Variants in FOXN3 observed in about 807,000 individuals in gnomAD.
FOXN3 encodes the protein forkhead box protein N3.
A neutral mutation model predicts 38.4 loss-of-function variants in FOXN3; 7 were observed. The observed-to-expected ratio is 0.18, with a 90% CI of 0.10 to 0.34. FOXN3 has a LOEUF of 0.34. Ranked by LOEUF, FOXN3 falls within the 10% of genes least tolerant of loss-of-function variation. FOXN3 has a pLI of 1.00. For synonymous variants in FOXN3, 230 were observed against 242.2 expected (o/e 0.95, Z 0.47); for missense variants, 456 against 613.4 (o/e 0.74, Z 2.71).
chr14:89,365,809 C>T (rs888034241), intron 2 of FOXN3, among the ~76,000 whole-genome samples: 1 of 152,158 alleles, frequency 6.6e-6, no homozygotes, highest in African/African-American at 2.4e-5. Context: ...CTCAAATGAA[C>T]TCAATATATT....
At chr14:89,325,254 C>G (rs868114975) in intron 3 of FOXN3, among the ~76,000 whole-genome samples, 1 of 149,010 alleles carries the variant, frequency 6.7e-6, no homozygotes, top group Non-Finnish European at 1.5e-5. Flanking sequence ...CCACGACCAC[C>G]ACCACCACCA....
intron 4 of FOXN3, among the ~76,000 whole-genome samples, chr14:89,228,429 C>T (rs776104223): frequency 6.6e-6 from 1 of 152,098 alleles, no homozygotes; most frequent in Non-Finnish European, 1.5e-5. Flanking sequence ...GGTCACAGTC[C>T]GTAAGAATGG....
At chr14:89,510,794 T>C (rs1435254836) in intron 1 of FOXN3, among the ~76,000 whole-genome samples, 1 of 151,988 alleles carries the variant, frequency 6.6e-6, no homozygotes, top group Non-Finnish European at 1.5e-5. Context: ...ATACAAAAAT[T>C]AGCCAAGCGT....
chr14:89,444,642 A>G (rs1892456701), intron 1 of FOXN3, among the ~76,000 whole-genome samples: 1 of 152,180 alleles, frequency 6.6e-6, no homozygotes, highest in Non-Finnish European at 1.5e-5. Context: ...CTTTCTCTGT[A>G]TCAGGTTTCA....
At chr14:89,198,255 C>T (rs1244908187) in intron 4 of FOXN3, among the ~76,000 whole-genome samples, 3 of 152,182 alleles carry the variant, frequency 2.0e-5, no homozygotes, top group Admixed American at 6.5e-5. Flanking sequence ...ATAGTATTTA[C>T]ATTGTATGAC....
intron 1 of FOXN3, among the ~76,000 whole-genome samples, chr14:89,596,585 G>A (rs1896060650): frequency 6.6e-6 from 1 of 152,126 alleles, no homozygotes; most frequent in South Asian, 2.1e-4. Context: ...TTCTCTAGTG[G>A]AGAGTTTGTG....
In FOXN3 at chr14:89,340,853, G is replaced by T. The variant is rs143400940; in HGVS notation, c.680+9819C>A. Among the ~76,000 whole-genome samples the T allele has an allele frequency of 8.5e-5, 13 of 152,204 alleles. No individual in the cohort carries two copies. The East Asian group carries it at 2.3e-3, about 27-fold the overall frequency. ...GTAATTGTAGGGCATGAATCAAAAA[G>T]CTGGATGACACAGAACGAAGAGTAA... On this transcript the variant is annotated intron_variant, in intron 3 of 5. Transcript: ENST00000557258.
chr14:89,273,156 T>G (rs905408976), intron 4 of FOXN3, among the ~76,000 whole-genome samples: 3 of 152,212 alleles, frequency 2.0e-5, no homozygotes, highest in Non-Finnish European at 4.4e-5. Flanking sequence ...TCTTTTCCAT[T>G]CTATAACCTC....
At chr14:89,254,613 T>A (rs28549949) in intron 4 of FOXN3, among the ~76,000 whole-genome samples, 2 of 152,106 alleles carry the variant, frequency 1.3e-5, no homozygotes, top group Non-Finnish European at 2.9e-5. Context: ...TGGCAATGAA[T>A]TCAAATTTTC....
At chr14:89,503,634 C>A (rs1157600156) in intron 1 of FOXN3, among the ~76,000 whole-genome samples, 1 of 152,174 alleles carries the variant, frequency 6.6e-6, no homozygotes, top group Non-Finnish European at 1.5e-5. Context: ...ATAGATAGAG[C>A]CACTTCCCCA....
At chr14:89,460,752 C>A (rs1015739109) in intron 1 of FOXN3, among the ~76,000 whole-genome samples, 26 of 152,132 alleles carry the variant, frequency 1.7e-4, no homozygotes, top group Middle Eastern at 6.8e-3. Flanking sequence ...AGACAAATGC[C>A]GGGCGCGGTG....
intron 2 of FOXN3, among the ~76,000 whole-genome samples, chr14:89,407,927 T>C (rs950342037): frequency 1.3e-5 from 2 of 152,198 alleles, no homozygotes; most frequent in East Asian, 3.8e-4. Context: ...TGAATCAGGA[T>C]GTGTGTTATG....
chr14:89,241,546 A>T (rs1049597945), intron 4 of FOXN3, among the ~76,000 whole-genome samples: 1 of 152,156 alleles, frequency 6.6e-6, no homozygotes, highest in Non-Finnish European at 1.5e-5. Flanking sequence ...TTCCAATCTC[A>T]GTTTCCTCCT....
chr14:89,186,826 T>C (rs1887821203), intron 4 of FOXN3, among the ~76,000 whole-genome samples: 1 of 152,152 alleles, frequency 6.6e-6, no homozygotes, highest in African/African-American at 2.4e-5. Context: ...AGCATTAGAC[T>C]GAAATGAGAG....
intron 4 of FOXN3, among the ~76,000 whole-genome samples, chr14:89,223,571 T>C (rs1056766398): frequency 6.6e-6 from 1 of 152,212 alleles, no homozygotes; most frequent in African/African-American, 2.4e-5. Flanking sequence ...TGCTCAGACT[T>C]TCCTTCTTAA....
intron 5 of FOXN3, among the ~76,000 whole-genome samples, chr14:89,172,640 T>C (rs886097317): frequency 3.9e-5 from 6 of 152,162 alleles, no homozygotes; most frequent in Non-Finnish European, 5.9e-5. Context: ...TCAGACACTG[T>C]GGTATTGCCA....
At chr14:89,589,247 T>G (rs190133376) in intron 1 of FOXN3, among the ~76,000 whole-genome samples, 47 of 152,296 alleles carry the variant, frequency 3.1e-4, no homozygotes, top group African/African-American at 1.1e-3. Context: ...TCCTAATATC[T>G]AGAAAAGACA....
intron 1 of FOXN3, among the ~76,000 whole-genome samples, chr14:89,618,568 A>G (rs1896536687): frequency 6.6e-6 from 1 of 152,218 alleles, no homozygotes; most frequent in South Asian, 2.1e-4. Flanking sequence ...GCAATGCTGT[A>G]AACTCTGCCC....
At chr14:89,172,866 T>C (rs560410449) in intron 5 of FOXN3, among the ~76,000 whole-genome samples, 11 of 152,288 alleles carry the variant, frequency 7.2e-5, no homozygotes, top group African/African-American at 2.4e-4. Flanking sequence ...ACTCAAATAA[T>C]AAGACTTAAA....
Sources: gnomAD v4.1 joint callset for allele counts (sites outside exome capture counted in the v4.1 genomes callset) on GRCh38, gnomAD v4.1.1 for gene constraint, MANE v1.5 for transcripts, NCBI Gene and HGNC (gene_info 2026-07-23, HGNC 2026-07-21) for gene names.